The following ROBO1 variants were observed in gnomAD, a reference collection of about 807,000 sequenced individuals.
ROBO1 encodes the protein roundabout homolog 1.
Under a neutral mutation model 195.9 loss-of-function variants are expected in ROBO1, and 149 were observed. That is an observed-to-expected ratio of 0.76 (90% CI 0.67 to 0.87). The LOEUF is 0.87. Among genes scored for constraint, ROBO1 ranks in the 40% least tolerant of loss-of-function variants. The pLI, the probability that ROBO1 is intolerant of heterozygous loss-of-function variation, is 0.00. For synonymous variants in ROBO1, 816 were observed against 733.2 expected (o/e 1.11, Z -1.82); for missense variants, 1,933 against 2,068.3 (o/e 0.93, Z 1.27).
intron 3 of ROBO1, among the ~76,000 whole-genome samples, chr3:79,012,936 C>T (rs2077823324): frequency 6.6e-6 from 1 of 151,976 alleles, no homozygotes; most frequent in Non-Finnish European, 1.5e-5. Context: ...TCATGCTAAT[C>T]AAGAATTGTA....
At chr3:78,908,879 A>G (rs2038082305) in intron 4 of ROBO1, among the ~76,000 whole-genome samples, 1 of 151,884 alleles carries the variant, frequency 6.6e-6, no homozygotes, top group Admixed American at 6.6e-5. Context: ...CTTTCAATAT[A>G]GATACAATGA....
At chr3:79,104,736 G>A (rs2079745226) in intron 3 of ROBO1, among the ~76,000 whole-genome samples, 1 of 151,680 alleles carries the variant, frequency 6.6e-6, no homozygotes, top group Non-Finnish European at 1.5e-5. Flanking sequence ...TGTAAACATA[G>A]TCCATGCTCC....
chr3:79,401,240 T>C (rs1402772379), intron 2 of ROBO1, among the ~76,000 whole-genome samples: 1 of 151,862 alleles, frequency 6.6e-6, no homozygotes, highest in Non-Finnish European at 1.5e-5. Flanking sequence ...ATCTGTCCAG[T>C]CATTCATTAG....
At chr3:79,578,695 T>C (rs767891297) in intron 2 of ROBO1, among the ~76,000 whole-genome samples, 1 of 152,156 alleles carries the variant, frequency 6.6e-6, no homozygotes, top group Non-Finnish European at 1.5e-5. Context: ...AATCATAATA[T>C]GCATTTCAGC....
intron 3 of ROBO1, among the ~76,000 whole-genome samples, chr3:79,022,745 A>C (rs2078126963): frequency 6.6e-6 from 1 of 152,184 alleles, no homozygotes; most frequent in Non-Finnish European, 1.5e-5. Context: ...GTGGGTTCTA[A>C]ATTTCCACTT....
chr3:79,475,618 A>C (rs1938511735), intron 2 of ROBO1, among the ~76,000 whole-genome samples: 1 of 152,112 alleles, frequency 6.6e-6, no homozygotes, highest in Admixed American at 6.6e-5. Flanking sequence ...TATATTACTT[A>C]AAATGGTCAA....
Position 79,051,246 on chromosome 3 carries a change from A to C in ROBO1, c.172+74210T>G, listed in dbSNP as rs1576614637. 2.0e-5 allele frequency among the ~76,000 whole-genome samples: 3 copies of C among 152,198 alleles called. No homozygotes were observed. In the East Asian group the frequency reaches 5.8e-4, roughly 29 times the overall value. ...GGGATATCACCACAGATCCCACAGA[A>C]ATAAAACTGCCATCAGAGAATACTA... On this transcript the variant is annotated intron_variant, in intron 3 of 30. Transcript: ENST00000464233.
chr3:79,393,954 T>C (rs554404667), intron 2 of ROBO1, among the ~76,000 whole-genome samples: 2 of 152,104 alleles, frequency 1.3e-5, no homozygotes, highest in Non-Finnish European at 2.9e-5. Context: ...GCAGTGTGTA[T>C]AAAACCGAGT....
intron 3 of ROBO1, among the ~76,000 whole-genome samples, chr3:78,970,798 C>G (rs960810651): frequency 4.6e-5 from 7 of 152,026 alleles, no homozygotes; most frequent in Admixed American, 2.6e-4. Flanking sequence ...GGTAATAATA[C>G]AGTCAAGTGA....
chr3:79,415,560 C>T lies in ROBO1; in HGVS notation c.88+174264G>A, dbSNP rs186360646. 9.6e-4 allele frequency among the ~76,000 whole-genome samples: 146 copies of T among 152,138 alleles called. 1 individual carries two copies. The Middle Eastern group carries it at 0.02, about 21-fold the overall frequency. Reference sequence around the variant, plus strand: ...GTCACATATTAGGATGAAAGAATAGCGAGAAATATGGGTAGAGACCTTTTC... The same window carrying T: ...GTCACATATTAGGATGAAAGAATAGTGAGAAATATGGGTAGAGACCTTTTC... On this transcript the variant is annotated intron_variant, in intron 2 of 30. Coordinates refer to ENST00000464233, the MANE Select transcript of ROBO1 (RefSeq NM_002941.4).
At chr3:78,662,341 T>C (rs1011787896) in intron 14 of ROBO1, among the ~76,000 whole-genome samples, 1 of 151,878 alleles carries the variant, frequency 6.6e-6, no homozygotes, top group Non-Finnish European at 1.5e-5. Context: ...ACATATATTA[T>C]AGAAAGGCAA....
Position 78,706,664 on chromosome 3 carries a change from G to A in ROBO1, c.1045+7733C>T, listed in dbSNP as rs138226725. On this transcript the variant is annotated intron_variant, in intron 8 of 30. Transcript: ENST00000464233. ...GCTTTTGTAGGTACATTAATCTGTT[G>A]TGTGAAGAATAGATTCTATGAGACA... 7.2e-4 allele frequency among the ~76,000 whole-genome samples: 110 copies of A among 152,180 alleles called. 1 individual carries two copies. The highest frequency in any genetic ancestry group is 2.6e-3 in the African/African-American group (106 of 41,526).
chr3:78,955,189 C>T (rs956116584), intron 3 of ROBO1, among the ~76,000 whole-genome samples: 1 of 143,322 alleles, frequency 7.0e-6, no homozygotes, highest in Admixed American at 7.1e-5. Flanking sequence ...AACTGTGTAT[C>T]ATGGGGTTAT....
chr3:78,975,324 T>C lies in ROBO1; in HGVS notation c.173-36397A>G, dbSNP rs889306731. ...AAGATTATCTCCTATGTTCATGTCTTTGCTTACATATAAGGGGAGTTTGAT... is the reference window on the plus strand; with the variant it reads ...AAGATTATCTCCTATGTTCATGTCTCTGCTTACATATAAGGGGAGTTTGAT... On this transcript the variant is annotated intron_variant, in intron 3 of 30. Transcript: ENST00000464233. 3.3e-5 allele frequency among the ~76,000 whole-genome samples: 5 copies of C among 152,310 alleles called. No homozygotes were observed. In the East Asian group the frequency reaches 9.7e-4, roughly 29 times the overall value.
At chr3:79,395,151 G>A (rs535687955) in intron 2 of ROBO1, among the ~76,000 whole-genome samples, 3 of 151,440 alleles carry the variant, frequency 2.0e-5, no homozygotes, top group Admixed American at 6.6e-5. Context: ...GTGCAACCCC[G>A]TCTCCACTAA....
intron 2 of ROBO1, among the ~76,000 whole-genome samples, chr3:79,340,894 G>A (rs2034881825): frequency 6.6e-6 from 1 of 152,182 alleles, no homozygotes; most frequent in South Asian, 2.1e-4. Flanking sequence ...GATTAAATAT[G>A]GGGAAGTGAT....
At chr3:79,480,089 T>C (rs552298499) in intron 2 of ROBO1, among the ~76,000 whole-genome samples, 236 of 152,284 alleles carry the variant, frequency 1.5e-3, no homozygotes, top group Middle Eastern at 0.01. Context: ...TTGTACAAAA[T>C]TACAACTGAT....
intron 3 of ROBO1, among the ~76,000 whole-genome samples, chr3:79,111,501 A>T (rs1422240683): frequency 2.6e-5 from 4 of 152,138 alleles, no homozygotes; most frequent in African/African-American, 9.7e-5. Flanking sequence ...GGAGGTAGTT[A>T]TCACATTAAA....
chr3:79,000,770 G>C (rs576512772), intron 3 of ROBO1, among the ~76,000 whole-genome samples: 34 of 152,124 alleles, frequency 2.2e-4, no homozygotes, highest in African/African-American at 6.5e-4. Flanking sequence ...CCCATTACTG[G>C]GTATATACCC....
Sources: allele counts gnomAD v4.1 joint callset (sites outside exome capture counted in the v4.1 genomes callset), GRCh38; gene constraint gnomAD v4.1.1; transcripts MANE v1.5; gene names NCBI Gene and HGNC (gene_info 2026-07-23, HGNC 2026-07-21).